UBE3C: variants seen among roughly 807,000 people sequenced by gnomAD.
UBE3C encodes ubiquitin-protein ligase E3C.
In UBE3C, 42 loss-of-function variants were observed where a neutral mutation model predicts 129.4. The observed-to-expected ratio is 0.32, with a 90% CI of 0.25 to 0.42. The LOEUF is 0.42. Ranked by LOEUF, UBE3C falls within the 10% of genes least tolerant of loss-of-function variation. The pLI is 1.00. For missense variants in UBE3C, 1,049 were observed against 1,319.1 expected (o/e 0.80, Z 3.17); for synonymous variants, 510 against 492.4 (o/e 1.04, Z -0.47).
chr7:157,256,654 C>T (rs1796760616), intron 21 of UBE3C: 1 of 336,364 alleles, frequency 3.0e-6, no homozygotes, highest in African/African-American at 2.1e-5. Context: ...ATGGTTGTGT[C>T]TGCACTGAAT....
intron 3 of UBE3C, among the ~76,000 whole-genome samples, chr7:157,169,903 C>T (rs1487891703): frequency 2.6e-5 from 4 of 151,848 alleles, no homozygotes; most frequent in African/African-American, 7.3e-5. Context: ...AGGCTGATCT[C>T]GAACTCCCGA....
chr7:157,156,648 T>G (rs1248810444), intron 1 of UBE3C, among the ~76,000 whole-genome samples: 1 of 151,788 alleles, frequency 6.6e-6, no homozygotes, highest in African/African-American at 2.4e-5. Context: ...TTGGGATTTT[T>G]ACACATCCTG....
intron 10 of UBE3C, among the ~76,000 whole-genome samples, chr7:157,188,626 G>A (rs1185166286): frequency 1.3e-5 from 2 of 152,204 alleles, no homozygotes; most frequent in African/African-American, 2.4e-5. Context: ...CTTCCAAAAG[G>A]TGTTTAATGG....
chr7:157,201,372 A>T (rs543318918), intron 10 of UBE3C, among the ~76,000 whole-genome samples: 1 of 152,042 alleles, frequency 6.6e-6, no homozygotes, highest in Non-Finnish European at 1.5e-5. Flanking sequence ...TAGTAATTAT[A>T]ATATTGTGAT....
At chr7:157,230,505 G>C (rs927058320) in intron 17 of UBE3C, among the ~76,000 whole-genome samples, 16 of 151,828 alleles carry the variant, frequency 1.1e-4, no homozygotes, top group African/African-American at 3.6e-4. Context: ...GACCAGCCTG[G>C]CCAATATGGT....
chr7:157,201,315 C>T (rs1160878675), intron 10 of UBE3C, among the ~76,000 whole-genome samples: 2 of 151,866 alleles, frequency 1.3e-5, no homozygotes, highest in African/African-American at 4.8e-5. Context: ...CAGAGCAAGA[C>T]CCTGTCTCAA....
At position 157,236,827 on chromosome 7, in the gene UBE3C, G is replaced by C. The variant is rs962819651; in HGVS notation, c.2481+5500G>C. ...GCTCACTGCAACCTCCACCTCCCGG[G>C]TTCAAGCGATTCTCCTGCCTCAGCC... On this transcript the variant is annotated intron_variant, in intron 18 of 22. Coordinates refer to ENST00000348165, the MANE Select transcript of UBE3C (RefSeq NM_014671.3). Among the ~76,000 whole-genome samples the C allele has an allele frequency of 6.8e-4, 104 of 152,038 alleles. 1 individual carries two copies. The highest frequency in any genetic ancestry group is 3.0e-3 in the Admixed American group (46 of 15,266).
At chr7:157,241,234 C>A (rs997816725) in intron 18 of UBE3C, among the ~76,000 whole-genome samples, 1 of 152,110 alleles carries the variant, frequency 6.6e-6, no homozygotes, top group Non-Finnish European at 1.5e-5. Flanking sequence ...GGAAAAAATC[C>A]CGTCTTAGCT....
intron 1 of UBE3C, among the ~76,000 whole-genome samples, chr7:157,154,335 G>A (rs1179566050): frequency 1.3e-5 from 2 of 151,774 alleles, no homozygotes; most frequent in African/African-American, 4.8e-5. Context: ...AAAGATAAAA[G>A]GTCAGACCTT....
In UBE3C at chr7:157,169,493, A is replaced by G. The variant is rs567600193; in HGVS notation, c.195+371A>G. ...TGGGTTCAAGCAATTCTACTGCCTCAGCCTCCCGAGTAGCTGGGATTACAG... is the reference window on the plus strand; with the variant it reads ...TGGGTTCAAGCAATTCTACTGCCTCGGCCTCCCGAGTAGCTGGGATTACAG... On this transcript the variant is annotated intron_variant, in intron 3 of 22. Transcript: ENST00000348165. Among the ~76,000 whole-genome samples the G allele has an allele frequency of 1.8e-4, 27 of 151,796 alleles. 1 individual carries two copies. The South Asian group carries it at 5.6e-3, about 32-fold the overall frequency.
intron 2 of UBE3C, among the ~76,000 whole-genome samples, chr7:157,167,508 G>A (rs1292037399): frequency 1.3e-5 from 2 of 151,450 alleles, no homozygotes; most frequent in Non-Finnish European, 2.9e-5. Context: ...AGATGACTGT[G>A]CATTTGTATA....
intron 9 of UBE3C, among the ~76,000 whole-genome samples, chr7:157,185,950 A>G (rs1808793707): frequency 6.6e-6 from 1 of 152,138 alleles, no homozygotes; most frequent in African/African-American, 2.4e-5. Flanking sequence ...CCAATGTTAT[A>G]TATATTCACA....
intron 10 of UBE3C, among the ~76,000 whole-genome samples, chr7:157,196,261 C>T (rs559787636): frequency 5.9e-5 from 9 of 152,306 alleles, no homozygotes; most frequent in East Asian, 3.9e-4. Context: ...CCGCGAAACC[C>T]GTTTGGACTC....
At chr7:157,176,295 A>G (rs1015964131) in intron 5 of UBE3C, among the ~76,000 whole-genome samples, 7 of 152,202 alleles carry the variant, frequency 4.6e-5, no homozygotes, top group Middle Eastern at 3.4e-3. Context: ...TATTTTTGAG[A>G]TAAGAGTCTT....
intron 1 of UBE3C, among the ~76,000 whole-genome samples, chr7:157,158,989 G>A (rs1482781725): frequency 2.6e-5 from 4 of 152,156 alleles, no homozygotes; most frequent in Non-Finnish European, 5.9e-5. Flanking sequence ...TCATGTATGC[G>A]GGGATATTAA....
At chr7:157,151,107 G>T (rs4716458) in intron 1 of UBE3C, among the ~76,000 whole-genome samples, 9 of 152,152 alleles carry the variant, frequency 5.9e-5, no homozygotes, top group Non-Finnish European at 1.3e-4. Context: ...GCCCACTCTC[G>T]GGGTGAGGGG....
intron 18 of UBE3C, among the ~76,000 whole-genome samples, chr7:157,246,886 C>T (rs192043654): frequency 6.6e-6 from 1 of 152,216 alleles, no homozygotes; most frequent in Admixed American, 6.6e-5. Context: ...TCTCTGAAGA[C>T]TGGATATTTT....
chr7:157,169,263 T>C, intron 3 of UBE3C, 141 bp downstream of exon 3: 1 of 597,736 alleles, frequency 1.7e-6, no homozygotes, highest in Middle Eastern at 4.9e-4. Context: ...GTTCTAATTA[T>C]TGTGAAGATT....
intron 2 of UBE3C, among the ~76,000 whole-genome samples, chr7:157,166,175 C>T (rs1025982220): frequency 1.3e-5 from 2 of 152,172 alleles, no homozygotes; most frequent in Non-Finnish European, 2.9e-5. Context: ...GAATGCTTTG[C>T]TCATTCTTTT....
Sources: allele counts gnomAD v4.1 joint callset (sites outside exome capture counted in the v4.1 genomes callset), GRCh38; gene constraint gnomAD v4.1.1; transcripts MANE v1.5; gene names NCBI Gene and HGNC (gene_info 2026-07-23, HGNC 2026-07-21).